The following GPR89B variants were observed in gnomAD, a reference collection of about 807,000 sequenced individuals.
GPR89B encodes golgi pH regulator B.
GPR89B carries 25 observed loss-of-function variants against 52.4 expected under a neutral mutation model. The observed-to-expected ratio is 0.48, with a 90% confidence interval of 0.35 to 0.67. The LOEUF is 0.67. Among genes scored for constraint, GPR89B ranks in the 30% least tolerant of loss-of-function variants. GPR89B has a pLI of 0.01. For missense variants in GPR89B, 146 were observed against 450.2 expected, an observed-to-expected ratio of 0.32 and a Z score of 6.11; for synonymous variants, 52 against 151.2, an observed-to-expected ratio of 0.34 and a Z score of 4.81.
chr1:147,975,808 C>T (rs1465776840), intron 10 of GPR89B, among the ~76,000 whole-genome samples: 5 of 152,086 alleles, frequency 3.3e-5, no homozygotes, highest in South Asian at 2.1e-4. Flanking sequence ...CTATCCATTT[C>T]CCTCTTAACA....
At chr1:148,000,734 G>GT in the GPR89B span, among the ~76,000 whole-genome samples, 80 of 145,988 alleles carry the variant, frequency 5.5e-4, no homozygotes, top group East Asian at 1.3e-3. Context: ...GGCCCCCCAG[G>GT]TATCTGTTAA....
At chr1:147,938,595 A>G in intron 2 of GPR89B, 119 bp from the exon 3 acceptor site, 11 of 1,467,714 alleles carry the variant, frequency 7.5e-6, no homozygotes, top group Non-Finnish European at 1.0e-5. Context: ...TTGTGGCCCT[A>G]CTTCCAATGA....
downstream of GPR89B, chr1:147,994,108 A>G (rs1323088366): frequency 2.4e-4 from 235 of 976,182 alleles, no homozygotes; most frequent in Middle Eastern, 1.1e-3. Context: ...TTAAGCATAA[A>G]TTAGCCGTCT....
chr1:147,960,912 A>G (rs1330875832), intron 7 of GPR89B, among the ~76,000 whole-genome samples: 2 of 151,998 alleles, frequency 1.3e-5, no homozygotes, highest in African/African-American at 4.8e-5. Flanking sequence ...TGAAGAATAG[A>G]TAAAAGATTG....
intron 2 of GPR89B, among the ~76,000 whole-genome samples, chr1:147,937,804 A>C (rs1207032775): frequency 1.1e-4 from 17 of 152,280 alleles, no homozygotes; most frequent in Non-Finnish European, 4.4e-5. Context: ...TTTTGCAAAC[A>C]ATTTGTACAG....
intron 5 of GPR89B, among the ~76,000 whole-genome samples, chr1:147,948,959 ACT>A (rs1240033920): frequency 6.6e-6 from 1 of 151,664 alleles, no homozygotes; most frequent in African/African-American, 2.4e-5. Flanking sequence ...AGTGGTGATG[ACT>A]CTTAACGAGC....
downstream of GPR89B, among the ~76,000 whole-genome samples, chr1:147,997,109 A>C (rs1402833979): frequency 1.2e-4 from 19 of 152,210 alleles, no homozygotes; most frequent in African/African-American, 4.1e-4. Flanking sequence ...GGGAAATGAC[A>C]TATCTGACTG....
rs1654768418 is a variant in GPR89B, at chr1:147,944,090, C to G, written c.407C>G (p.Pro136Arg). Residue 136 changes from proline to arginine, a missense_variant, in exon 5 of 14, where the codon CCA (proline) becomes CGA (arginine). By Grantham distance (103) the Pro-to-Arg change is moderately radical. Coordinates refer to ENST00000314163, the MANE Select transcript of GPR89B (RefSeq NM_016334.5). ...GGAGATCCCTTTCCCATTCTCAGCC[C>G]AAAACATGGTGAGTATATATAGGAG... ...KLGDPFPILS[P>R]KHGILSIEQL... The G allele has an allele frequency of 3.8e-6, 6 of 1,585,370 alleles. No homozygotes were observed. In the East Asian group the frequency reaches 1.3e-4, roughly 36 times the overall value.
the GPR89B span, chr1:148,014,822 G>C: frequency 1.3e-5 from 2 of 151,904 alleles, no homozygotes; most frequent in South Asian, 2.1e-4. Flanking sequence ...CACCTCCCTG[G>C]GTCCCGCTCC....
intron 3 of GPR89B, among the ~76,000 whole-genome samples, chr1:147,940,555 G>A (rs1417476075): frequency 6.6e-6 from 1 of 152,018 alleles, no homozygotes; most frequent in Non-Finnish European, 1.5e-5. Context: ...ATTTAAGCAG[G>A]GGTTGGCAGT....
chr1:148,014,444 G>A, the GPR89B span: 1 of 151,130 alleles, frequency 6.6e-6, no homozygotes, highest in Non-Finnish European at 1.5e-5. Flanking sequence ...CCAGCCGCCG[G>A]ATAGCGCAAA....
intron 1 of GPR89B, among the ~76,000 whole-genome samples, chr1:147,935,697 A>G (rs1654028418): frequency 6.6e-6 from 1 of 152,054 alleles, no homozygotes; most frequent in African/African-American, 2.4e-5. Flanking sequence ...TTTTGGTCTC[A>G]ACTCCTCTCC....
At chr1:148,019,008 C>T in the GPR89B span, among the ~76,000 whole-genome samples, 27 of 151,220 alleles carry the variant, frequency 1.8e-4, no homozygotes, top group African/African-American at 5.1e-4. Context: ...GACAGAGTCT[C>T]GCTCTGTCAC....
At chr1:147,989,949 C>A (rs2149095898) in intron 12 of GPR89B, among the ~76,000 whole-genome samples, 1 of 152,292 alleles carries the variant, frequency 6.6e-6, no homozygotes, top group East Asian at 1.9e-4. Flanking sequence ...TTTATAGCAG[C>A]ATGATTTATA....
At chr1:147,998,131 A>AC (rs1659359829), downstream of GPR89B, among the ~76,000 whole-genome samples, 1 of 148,788 alleles carries the variant, frequency 6.7e-6, no homozygotes, top group Non-Finnish European at 1.5e-5. Context: ...AGAAGGGTGG[A>AC]CCTGGGTATG....
rs1197016559 is a variant in GPR89B at position 147,971,157 on chromosome 1, C to CTTT, written c.909+1207_909+1209dup. 7.6e-3 allele frequency among the ~76,000 whole-genome samples: 1,101 copies of CTTT among 144,520 alleles called. 30 individuals carry two copies. Among genetic ancestry groups the CTTT allele is most frequent in the African/African-American group, 0.026 (1,004 of 39,206 alleles). 94.8% of individuals were successfully genotyped at this position (144,520 alleles called of 152,430 possible). ...AGATGCAGCGTTTAGGGAAGCATGT[C>CTTT]TTTTTTTTTTTAGATGGAGTCTCAC... On this transcript the variant is annotated intron_variant, in intron 10 of 13. Transcript: ENST00000314163.
rs58324728 is a variant in GPR89B, at chr1:147,929,372, G to A, written c.42+794G>A. On this transcript the variant is annotated intron_variant, in intron 1 of 13. Coordinates refer to ENST00000314163, the MANE Select transcript of GPR89B (RefSeq NM_016334.5). ...TTGTTTCTTCCTAGCATTCATCATA[G>A]CACTGGCATCATTTATGTCTGTGTT... is the stretch of plus-strand genomic sequence containing the variant. Among the ~76,000 whole-genome samples, 8 of 151,826 alleles carry A rather than the reference G, an allele frequency of 5.3e-5. 2 individuals are homozygous for A. The highest frequency in any genetic ancestry group is 1.9e-4 in the African/African-American group (8 of 41,330).
At chr1:147,960,158 G>A (rs1310140653) in intron 7 of GPR89B, among the ~76,000 whole-genome samples, 2 of 151,912 alleles carry the variant, frequency 1.3e-5, no homozygotes, top group East Asian at 3.9e-4. Flanking sequence ...CACAGTTTAA[G>A]TAAATTAACT....
At chr1:147,936,263 T>C (rs191018668) in intron 1 of GPR89B, among the ~76,000 whole-genome samples, 2 of 152,224 alleles carry the variant, frequency 1.3e-5, no homozygotes, top group East Asian at 3.8e-4. Flanking sequence ...CTGCCCACCT[T>C]GTCCTCCCGA....
Sources: gnomAD v4.1 joint callset for allele counts (sites outside exome capture counted in the v4.1 genomes callset) on GRCh38, gnomAD v4.1.1 for gene constraint, MANE v1.5 for transcripts, NCBI Gene and HGNC (gene_info 2026-07-23, HGNC 2026-07-21) for gene names.